SYTL5: variants seen among roughly 807,000 people sequenced by gnomAD.
SYTL5 encodes the protein synaptotagmin-like protein 5.
A neutral mutation model predicts 55.9 loss-of-function variants in SYTL5; 34 were observed. The observed-to-expected ratio is 0.61, with a 90% CI of 0.46 to 0.81. The LOEUF (loss-of-function observed/expected upper bound fraction) is 0.81. Among genes scored for constraint, SYTL5 ranks in the 30% least tolerant of loss-of-function variants. SYTL5 has a pLI of 0.00. For synonymous variants in SYTL5, 221 were observed against 188.7 expected (o/e 1.17, Z -1.40); for missense variants, 637 against 546.7 (o/e 1.17, Z -1.65).
chrX:37,891,941 A>T, the SYTL5 span, among the ~76,000 whole-genome samples: 3 of 111,592 alleles, frequency 2.7e-5, no homozygotes, highest in Non-Finnish European at 5.7e-5. Flanking sequence ...CAAATTGTTC[A>T]TCTCCTTGGA....
In SYTL5 at chrX:38,093,579, G is replaced by A. The variant is rs1256479876; in HGVS notation, c.832-716G>A. ...CAAAGTTGGGTCTATGGTCATGGGC[G>A]AAGTCGGGACAGAATTTTCTTTACC... On this transcript the variant is annotated intron_variant, in intron 7 of 16. Coordinates refer to ENST00000297875, the MANE Select transcript of SYTL5 (RefSeq NM_138780.3). 8.1e-5 allele frequency among the ~76,000 whole-genome samples: 9 copies of A among 111,125 alleles called. 1 individual carries two copies. Among genetic ancestry groups the A allele is most frequent in the Middle Eastern group, 9.2e-3 (2 of 217 alleles).
the SYTL5 span, chrX:37,990,975 A>G: frequency 2.3e-5 from 28 of 1,210,342 alleles, no homozygotes; most frequent in Non-Finnish European, 3.0e-5. Flanking sequence ...CCAAAGCCAG[A>G]GTTCCTCCAC....
At chrX:37,990,961 A>G in the SYTL5 span, 2 of 1,211,896 alleles carry the variant, frequency 1.7e-6, no homozygotes, top group Non-Finnish European at 2.2e-6. Context: ...GATGAACGAG[A>G]CGTCCAAAGC....
At chrX:37,950,386 T>G in the SYTL5 span, among the ~76,000 whole-genome samples, 1 of 112,001 alleles carries the variant, frequency 8.9e-6, no homozygotes, top group African/African-American at 3.2e-5. Context: ...TTGCTGAAAG[T>G]ATTTTCAGAA....
intron 9 of SYTL5, among the ~76,000 whole-genome samples, chrX:38,099,657 T>C (rs1334991191): frequency 4.5e-5 from 5 of 111,407 alleles, no homozygotes; most frequent in Non-Finnish European, 7.6e-5. Context: ...GTATTGTTTC[T>C]GATCTTAGAG....
upstream of SYTL5, among the ~76,000 whole-genome samples, chrX:38,005,423 AATT>A (rs1306619604): frequency 8.9e-6 from 1 of 111,967 alleles, no homozygotes; most frequent in East Asian, 2.8e-4. Context: ...AGACTAAATC[AATT>A]ATTATGTATT....
At chrX:38,083,806 GTGTT>G (rs946627242) in intron 6 of SYTL5, among the ~76,000 whole-genome samples, 1 of 98,365 alleles carries the variant, frequency 1.0e-5, no homozygotes, top group Non-Finnish European at 2.1e-5. Context: ...GTGTGTGTGT[GTGTT>G]TGTGCGCATA....
At chrX:37,964,279 A>T in the SYTL5 span, among the ~76,000 whole-genome samples, 4 of 111,856 alleles carry the variant, frequency 3.6e-5, no homozygotes, top group African/African-American at 1.3e-4. Flanking sequence ...CTTGATCTTG[A>T]ATTTCTCACC....
At chrX:38,104,835 T>A (rs186749984) in intron 10 of SYTL5, among the ~76,000 whole-genome samples, 1 of 111,741 alleles carries the variant, frequency 8.9e-6, no homozygotes, top group East Asian at 2.8e-4. Flanking sequence ...CAAAGGATAA[T>A]TTTATTACAT....
intron 3 of SYTL5, among the ~76,000 whole-genome samples, chrX:38,062,449 A>G (rs1185205645): frequency 8.9e-6 from 1 of 112,323 alleles, no homozygotes; most frequent in Non-Finnish European, 1.9e-5. Context: ...ATAAAATATA[A>G]CTGAAATAGA....
the SYTL5 span, among the ~76,000 whole-genome samples, chrX:37,948,776 C>CT: frequency 9.0e-6 from 1 of 111,396 alleles, no homozygotes; most frequent in African/African-American, 3.3e-5. Context: ...GGATTTCCTT[C>CT]TTTTTTATGG....
At chrX:38,088,289 C>G (rs1287454703) in intron 6 of SYTL5, among the ~76,000 whole-genome samples, 1 of 111,933 alleles carries the variant, frequency 8.9e-6, no homozygotes, top group Non-Finnish European at 1.9e-5. Flanking sequence ...TTCTATTTAA[C>G]CTTTCCTCTT....
intron 16 of SYTL5, 31 bp from the exon 17 acceptor site, chrX:38,126,557 G>A: frequency 8.3e-7 from 1 of 1,205,576 alleles, no homozygotes; most frequent in Non-Finnish European, 1.1e-6. Flanking sequence ...TTTCATGTGT[G>A]ACATAAAATT....
At chrX:38,040,397 T>C (rs748010809) in intron 2 of SYTL5, among the ~76,000 whole-genome samples, 1 of 110,523 alleles carries the variant, frequency 9.0e-6, no homozygotes, top group Non-Finnish European at 1.9e-5. Context: ...GTCACCACAC[T>C]GTGCTATCAA....
the SYTL5 span, among the ~76,000 whole-genome samples, chrX:37,957,846 T>C: frequency 3.6e-5 from 4 of 112,117 alleles, no homozygotes; most frequent in Non-Finnish European, 7.5e-5. Context: ...AATCTGTAGA[T>C]TGCTTTAGGT....
intron 2 of SYTL5, 92 bp from the exon 3 acceptor site, chrX:38,054,121 A>G (rs1935701908): frequency 1.0e-5 from 7 of 677,720 alleles, no homozygotes; most frequent in Middle Eastern, 3.5e-4. Context: ...TGAGGCAAAT[A>G]TTCTATCTAT....
rs774314411 is a variant in SYTL5 at position 38,023,734 on chromosome X, C to G, written c.-356-9800C>G. ...TCTAATAGATTCTAACAGTTTCTAA[C>G]TTTAGACTATTACAAACTTTATCTT... On this transcript the variant is annotated intron_variant, in intron 1 of 16. Coordinates refer to ENST00000297875, the MANE Select transcript of SYTL5 (RefSeq NM_138780.3). Among the ~76,000 whole-genome samples, 60 of 111,037 alleles carry G rather than the reference C, an allele frequency of 5.4e-4. 1 individual carries two copies. Among genetic ancestry groups the G allele is most frequent in the Admixed American group, 3.2e-3 (33 of 10,434 alleles).
At chrX:38,008,480 T>C (rs1408949701) in intron 1 of SYTL5, among the ~76,000 whole-genome samples, 2 of 111,674 alleles carry the variant, frequency 1.8e-5, no homozygotes, top group African/African-American at 3.3e-5. Flanking sequence ...AAAAAGCAGA[T>C]GGTGCTTCTG....
At chrX:38,090,075 A>G (rs963318549) in intron 7 of SYTL5, among the ~76,000 whole-genome samples, 2 of 112,220 alleles carry the variant, frequency 1.8e-5, no homozygotes, top group African/African-American at 6.5e-5. Context: ...TCCTGGCAGG[A>G]AACCCAAAAT....
Sources: allele counts gnomAD v4.1 joint callset (sites outside exome capture counted in the v4.1 genomes callset), GRCh38; gene constraint gnomAD v4.1.1; transcripts MANE v1.5; gene names NCBI Gene and HGNC (gene_info 2026-07-23, HGNC 2026-07-21).